The following DPP10 variants were observed in gnomAD, a reference collection of about 807,000 sequenced individuals.
The protein encoded by DPP10 is dipeptidyl peptidase like 10.
Under a neutral mutation model 120.9 loss-of-function variants are expected in DPP10, and 33 were observed. That is an observed-to-expected ratio of 0.27 (90% confidence interval 0.21 to 0.37). DPP10 has a LOEUF of 0.37. DPP10 is among the 10% of genes least tolerant of loss of function. DPP10 has a pLI of 1.00. For synonymous variants in DPP10, 337 were observed against 326.1 expected, an observed-to-expected ratio of 1.03 and a Z score of -0.36; for missense variants, 816 against 942.8, an observed-to-expected ratio of 0.87 and a Z score of 1.76.
intron 1 of DPP10, among the ~76,000 whole-genome samples, chr2:115,279,106 T>C (rs796354691): frequency 5.3e-5 from 8 of 152,180 alleles, no homozygotes; most frequent in African/African-American, 1.9e-4. Flanking sequence ...TCACCAAAAT[T>C]AACAGCTGAT....
intron 3 of DPP10, among the ~76,000 whole-genome samples, chr2:115,400,804 C>T (rs1279972607): frequency 2.0e-5 from 3 of 152,148 alleles, no homozygotes; most frequent in Non-Finnish European, 4.4e-5. Flanking sequence ...CTTTCCAGGT[C>T]GCTGCCATCT....
chr2:115,660,822 T>C (rs1019524279), intron 5 of DPP10, among the ~76,000 whole-genome samples: 1 of 152,040 alleles, frequency 6.6e-6, no homozygotes, highest in African/African-American at 2.4e-5. Flanking sequence ...TTGTGCCACA[T>C]TTAGAGACCA....
intron 19 of DPP10, among the ~76,000 whole-genome samples, chr2:115,800,230 C>A (rs1241317136): frequency 6.6e-6 from 1 of 151,710 alleles, no homozygotes; most frequent in Non-Finnish European, 1.5e-5. Context: ...GCATAAATGT[C>A]TTTTTTTGAG....
chr2:114,664,965 CATCCAAAAGATGGCAG>C (rs1697802503), intron 1 of DPP10, among the ~76,000 whole-genome samples: 2 of 147,854 alleles, frequency 1.4e-5, no homozygotes, highest in African/African-American at 2.6e-5. Context: ...TGGCATAGAG[CATCCAAAAGATGGCAG>C]AGAGCATCCA....
intron 3 of DPP10, among the ~76,000 whole-genome samples, chr2:115,367,536 C>T (rs546887072): frequency 4.0e-5 from 6 of 151,856 alleles, no homozygotes; most frequent in Non-Finnish European, 7.4e-5. Context: ...TACTTTTTTA[C>T]GTTTTAAAGC....
intron 5 of DPP10, among the ~76,000 whole-genome samples, chr2:115,686,468 C>T (rs2090995204): frequency 6.6e-6 from 1 of 152,028 alleles, no homozygotes. Flanking sequence ...TCCTGTATTT[C>T]TCCTAGGAGC....
chr2:115,379,760 T>C (rs2066145687), intron 3 of DPP10, among the ~76,000 whole-genome samples: 1 of 152,206 alleles, frequency 6.6e-6, no homozygotes, highest in Non-Finnish European at 1.5e-5. Context: ...GTGTATTTGT[T>C]CTCGTTGGTT....
chr2:114,488,361 T>G (rs908336001), intron 1 of DPP10, among the ~76,000 whole-genome samples: 3 of 152,198 alleles, frequency 2.0e-5, no homozygotes, highest in African/African-American at 7.2e-5. Flanking sequence ...AATAGCCTAC[T>G]ACACTTTTGG....
intron 1 of DPP10, among the ~76,000 whole-genome samples, chr2:114,620,346 T>C (rs1693999677): frequency 6.6e-6 from 1 of 151,940 alleles, no homozygotes; most frequent in Admixed American, 6.6e-5. Context: ...AGTTGGCATG[T>C]AGAGAGAGAA....
chr2:114,779,103 T>C (rs1019356078), intron 1 of DPP10, among the ~76,000 whole-genome samples: 54 of 152,186 alleles, frequency 3.5e-4, no homozygotes, highest in African/African-American at 1.3e-3. Context: ...TAATCCCGTG[T>C]TGCAGCAGAC....
At chr2:115,443,780 A>G (rs1026416422) in intron 3 of DPP10, among the ~76,000 whole-genome samples, 2 of 152,166 alleles carry the variant, frequency 1.3e-5, no homozygotes, top group Non-Finnish European at 2.9e-5. Flanking sequence ...GGTGGTGCTC[A>G]TTGCTCAAGA....
intron 1 of DPP10, among the ~76,000 whole-genome samples, chr2:114,757,690 AACAG>A (rs1343043952): frequency 3.3e-5 from 5 of 152,164 alleles, no homozygotes; most frequent in Admixed American, 2.0e-4. Flanking sequence ...TCCCCTGACC[AACAG>A]CATCTTGGGA....
intron 1 of DPP10, among the ~76,000 whole-genome samples, chr2:115,156,268 C>T (rs948499350): frequency 6.6e-6 from 1 of 152,198 alleles, no homozygotes; most frequent in Non-Finnish European, 1.5e-5. Flanking sequence ...GACTTGGCCT[C>T]AAGTTTCCTT....
intron 3 of DPP10, among the ~76,000 whole-genome samples, chr2:115,372,635 C>G (rs965600967): frequency 1.4e-4 from 21 of 152,152 alleles, no homozygotes; most frequent in Admixed American, 5.9e-4. Context: ...GCTACTGATT[C>G]AGCAACTGAA....
chr2:114,496,749 G>A (rs1682553259), intron 1 of DPP10, among the ~76,000 whole-genome samples: 1 of 151,992 alleles, frequency 6.6e-6, no homozygotes, highest in Admixed American at 6.6e-5. Context: ...TCTATGAGGG[G>A]TCACAATGAG....
intron 1 of DPP10, among the ~76,000 whole-genome samples, chr2:114,671,899 G>A (rs1020578925): frequency 1.3e-5 from 2 of 151,804 alleles, no homozygotes. Flanking sequence ...CTTTTTTGGA[G>A]GGAAAATAAT....
At chr2:115,752,019 C>G (rs1482177788) in intron 10 of DPP10, among the ~76,000 whole-genome samples, 1 of 151,932 alleles carries the variant, frequency 6.6e-6, no homozygotes, top group African/African-American at 2.4e-5. Flanking sequence ...AGGATGGTCT[C>G]CATCTGCTGA....
chr2:115,226,787 A>G (rs761190410), intron 1 of DPP10, among the ~76,000 whole-genome samples: 48 of 152,182 alleles, frequency 3.2e-4, no homozygotes, highest in Admixed American at 1.1e-3. Context: ...AATTGATTTC[A>G]GAGCAAAGTT....
chr2:114,866,266 G>A (rs1690226845), intron 1 of DPP10, among the ~76,000 whole-genome samples: 1 of 151,460 alleles, frequency 6.6e-6, no homozygotes, highest in African/African-American at 2.4e-5. Context: ...TAGCTAATAA[G>A]AAAAGAAAAG....
Sources: allele counts gnomAD v4.1 joint callset (sites outside exome capture counted in the v4.1 genomes callset), GRCh38; gene constraint gnomAD v4.1.1; transcripts MANE v1.5; gene names NCBI Gene and HGNC (gene_info 2026-07-23, HGNC 2026-07-21).